The following SP100 variants were observed in gnomAD, a reference collection of about 807,000 sequenced individuals.
SP100 encodes the protein SP100 nuclear body protein, also known as nuclear autoantigen Sp-100.
SP100 carries 84 observed loss-of-function variants against 130.0 expected under a neutral mutation model. That is an observed-to-expected ratio of 0.65 (90% CI 0.54 to 0.77). SP100 has a LOEUF of 0.77. Ranked by LOEUF, SP100 falls within the 30% of genes least tolerant of loss-of-function variation. The pLI, the probability that SP100 is intolerant of heterozygous loss-of-function variation, is 0.00. For missense variants in SP100, 978 were observed against 1,052.2 expected (o/e 0.93, Z 0.97); for synonymous variants, 331 against 351.7 (o/e 0.94, Z 0.66).
intron 24 of SP100, among the ~76,000 whole-genome samples, chr2:230,513,778 C>T (rs978551508): frequency 1.2e-4 from 19 of 152,102 alleles, no homozygotes; most frequent in Non-Finnish European, 1.9e-4. Context: ...AGCCATGGAT[C>T]GAAAGCAAGC....
intron 2 of SP100, among the ~76,000 whole-genome samples, chr2:230,440,972 T>C (rs773667138): frequency 1.3e-5 from 2 of 152,046 alleles, no homozygotes; most frequent in Non-Finnish European, 2.9e-5. Flanking sequence ...AAAAAATAAA[T>C]TGGATTTCAT....
Position 230,467,257 on chromosome 2 carries a change from C to T in SP100, c.1291+42C>T, listed in dbSNP as rs376859765. 36 of 1,373,308 alleles carry T rather than the reference C, an allele frequency of 2.6e-5. 1 individual carries two copies. In the African/African-American group the frequency reaches 4.3e-4, roughly 16 times the overall value. The allele number at this position is 1,373,308 out of a possible 1,614,324, so 85.1% of individuals were successfully genotyped here. On this transcript the variant is annotated intron_variant, in intron 13 of 28. Coordinates refer to ENST00000340126, the MANE Select transcript of SP100 (RefSeq NM_001080391.2). ...TGACTTCAGGGCTCTGACTTCAGAGCACCTCTTCCCTGATGCACTGTGCTC... is the reference window on the plus strand; with the variant it reads ...TGACTTCAGGGCTCTGACTTCAGAGTACCTCTTCCCTGATGCACTGTGCTC...
intron 8 of SP100, among the ~76,000 whole-genome samples, chr2:230,452,762 T>C (rs1018783466): frequency 3.9e-5 from 6 of 152,160 alleles, no homozygotes; most frequent in Non-Finnish European, 8.8e-5. Context: ...CAACTGATTT[T>C]TGTATGTTGC....
intron 17 of SP100, among the ~76,000 whole-genome samples, chr2:230,478,349 C>T (rs2065669246): frequency 6.6e-6 from 1 of 152,158 alleles, no homozygotes; most frequent in Non-Finnish European, 1.5e-5. Flanking sequence ...ATCAGAATTA[C>T]AGGTTTCTTT....
At chr2:230,533,463 T>C (rs1050374535) in intron 24 of SP100, among the ~76,000 whole-genome samples, 1 of 152,214 alleles carries the variant, frequency 6.6e-6, no homozygotes, top group Admixed American at 6.5e-5. Context: ...TAGGACTTTC[T>C]GCAGCATAAA....
At chr2:230,533,262 T>C (rs1691788447) in intron 24 of SP100, among the ~76,000 whole-genome samples, 1 of 152,228 alleles carries the variant, frequency 6.6e-6, no homozygotes, top group African/African-American at 2.4e-5. Context: ...ATTGTCTTTA[T>C]TTTGATAAGT....
rs2063732705 is a variant in SP100, at chr2:230,446,850, T to C, written c.471T>C (p.Ser157=). The C allele has an allele frequency of 6.2e-7, 1 of 1,611,892 alleles. No homozygotes were observed. The highest frequency in any genetic ancestry group is 1.1e-5 in the South Asian group (1 of 90,886). ...ATGACAAATTGCCTCTCCAAGAAAG[T>C]GAAGAAGAAGAGAGGGAGGAGAGGT... ...VIHDKLPLQE[S]EEEEREERSG... Residue 157 remains serine (S), a synonymous_variant, in exon 5 of 29, where the codon AGT becomes AGC. Coordinates refer to ENST00000340126, the MANE Select transcript of SP100 (RefSeq NM_001080391.2).
intron 2 of SP100, among the ~76,000 whole-genome samples, chr2:230,430,916 G>A (rs2063079585): frequency 6.6e-6 from 1 of 152,250 alleles, no homozygotes; most frequent in Non-Finnish European, 1.5e-5. Flanking sequence ...TTGATTACCT[G>A]CCTGGGCAAA....
chr2:230,432,131 C>A (rs145071708), intron 2 of SP100, among the ~76,000 whole-genome samples: 1 of 152,122 alleles, frequency 6.6e-6, no homozygotes, highest in Non-Finnish European at 1.5e-5. Context: ...TGTAAATGGA[C>A]CATATATTAT....
intron 24 of SP100, among the ~76,000 whole-genome samples, chr2:230,531,257 G>T (rs1691685902): frequency 6.6e-6 from 1 of 152,166 alleles, no homozygotes. Context: ...GGATGAGTTT[G>T]TGTCCTTTGC....
At chr2:230,512,768 CTGAAATAA>C (rs1690693889) in intron 24 of SP100, among the ~76,000 whole-genome samples, 1 of 152,076 alleles carries the variant, frequency 6.6e-6, no homozygotes, top group African/African-American at 2.4e-5. Flanking sequence ...GTAATAGATA[CTGAAATAA>C]TGAAATAATT....
intron 8 of SP100, among the ~76,000 whole-genome samples, chr2:230,459,877 G>A (rs901145964): frequency 1.3e-5 from 2 of 152,112 alleles, no homozygotes; most frequent in African/African-American, 4.8e-5. Context: ...TTGAAACCCA[G>A]TGCCTTCGTG....
intron 24 of SP100, chr2:230,520,594 G>C (rs1035301445): frequency 3.3e-5 from 5 of 152,224 alleles, no homozygotes; most frequent in Admixed American, 1.3e-4. Context: ...CCTGCACAAA[G>C]GTCGGAGGCC....
intron 24 of SP100, chr2:230,516,330 A>G: frequency 6.5e-6 from 1 of 154,930 alleles, no homozygotes; most frequent in Non-Finnish European, 1.4e-5. Flanking sequence ...AATAGTTTCC[A>G]AATTATGGCA....
Position 230,427,562 on chromosome 2 carries a change from T to A in SP100, c.107+9897T>A, listed in dbSNP as rs572802565. On this transcript the variant is annotated intron_variant, in intron 2 of 28. Coordinates refer to ENST00000340126, the MANE Select transcript of SP100 (RefSeq NM_001080391.2). ...TTTTGATTAGAGAATTTAATTCATT[T>A]ATTGATAGGTAAGAACTTACTATTG... Among the ~76,000 whole-genome samples, 3 of 152,310 alleles carry A rather than the reference T, an allele frequency of 2.0e-5. No individual in the cohort carries two copies. The East Asian group carries it at 5.8e-4, about 29-fold the overall frequency.
chr2:230,532,209 G>A (rs960231438), intron 24 of SP100, among the ~76,000 whole-genome samples: 5 of 148,358 alleles, frequency 3.4e-5, no homozygotes, highest in South Asian at 4.3e-4. Flanking sequence ...AGAGCTTTAC[G>A]GTTCCTAGAA....
At chr2:230,467,564 G>A (rs149021784) in intron 13 of SP100, among the ~76,000 whole-genome samples, 3 of 152,162 alleles carry the variant, frequency 2.0e-5, no homozygotes, top group Non-Finnish European at 2.9e-5. Flanking sequence ...AAGGTGAAAG[G>A]CACGTCTCAC....
In SP100 at chr2:230,446,834, T is replaced by C. The variant is rs1559492455; in HGVS notation, c.455T>C (p.Leu152Ser). ...KGFENVIHDK[L>S]PLQESEEEER... ...CACTCTTCAGTAATCCATGACAAATTGCCTCTCCAAGAAAGTGAAGAAGAA... is the reference window on the plus strand; with the variant it reads ...CACTCTTCAGTAATCCATGACAAATCGCCTCTCCAAGAAAGTGAAGAAGAA... Residue 152 changes from leucine to serine, a missense_variant, in exon 5 of 29, where the codon TTG becomes TCG. Coordinates refer to ENST00000340126, the MANE Select transcript of SP100 (RefSeq NM_001080391.2). 3 of 1,608,954 alleles carry C rather than the reference T, an allele frequency of 1.9e-6. No individual in the cohort carries two copies. The South Asian group carries it at 3.3e-5, about 18-fold the overall frequency.
chr2:230,506,255 T>C (rs1690095860), intron 21 of SP100, 48 bp from the exon 22 acceptor site: 1 of 1,605,794 alleles, frequency 6.2e-7, no homozygotes, highest in Non-Finnish European at 8.5e-7. Context: ...GGAGGCCAAG[T>C]TCAGGTGTTT....
Sources: allele counts gnomAD v4.1 joint callset (sites outside exome capture counted in the v4.1 genomes callset), GRCh38; gene constraint gnomAD v4.1.1; transcripts MANE v1.5; gene names NCBI Gene and HGNC (gene_info 2026-07-23, HGNC 2026-07-21).